CAST: variants seen among roughly 807,000 people sequenced by gnomAD.
CAST encodes calpastatin.
In CAST, 76 loss-of-function variants were observed where a neutral mutation model predicts 119.6. The ratio of observed to expected loss-of-function variants is 0.64; its 90% CI spans 0.53 to 0.77. The LOEUF (loss-of-function observed/expected upper bound fraction) is 0.77, where lower values mean the gene tolerates loss of function less well. CAST is among the 30% of genes least tolerant of loss of function. The pLI is 0.00. For synonymous variants in CAST, 319 were observed against 331.6 expected, an observed-to-expected ratio of 0.96 and a Z score of 0.41; for missense variants, 953 against 946.5, an observed-to-expected ratio of 1.01 and a Z score of -0.09.
At chr5:96,044,418 C>A in the CAST span, among the ~76,000 whole-genome samples, 2 of 152,314 alleles carry the variant, frequency 1.3e-5, no homozygotes, top group African/African-American at 2.4e-5. Flanking sequence ...AAAAAACAGT[C>A]CTTCATCAGA....
the CAST span, among the ~76,000 whole-genome samples, chr5:96,063,917 G>A: frequency 7.2e-5 from 11 of 152,262 alleles, no homozygotes; most frequent in African/African-American, 2.6e-4. Context: ...ACAAGAAGGT[G>A]TGTGTGTGCT....
the CAST span, among the ~76,000 whole-genome samples, chr5:96,407,172 C>G: frequency 7.6e-4 from 115 of 152,226 alleles, no homozygotes; most frequent in Middle Eastern, 3.4e-3. Context: ...AAGAAACAGA[C>G]TGACAAACAT....
chr5:96,132,690 A>G, the CAST span, among the ~76,000 whole-genome samples: 1 of 152,158 alleles, frequency 6.6e-6, no homozygotes. Flanking sequence ...AAGACTATGG[A>G]TATAGAAAGG....
At chr5:96,762,412 G>T (rs144506614) in intron 25 of CAST, 40 bp downstream of exon 25, 1 of 1,430,410 alleles carries the variant, frequency 7.0e-7, no homozygotes, top group Non-Finnish European at 9.5e-7. Context: ...ATGTTTTTGC[G>T]CAGCCACAAC....
chr5:96,061,669 G>A, the CAST span, among the ~76,000 whole-genome samples: 142 of 151,604 alleles, frequency 9.4e-4, no homozygotes, highest in African/African-American at 3.1e-3. Flanking sequence ...GTGTGTGTGC[G>A]TGTGTGTGTG....
At chr5:96,245,438 G>C in the CAST span, among the ~76,000 whole-genome samples, 2 of 152,138 alleles carry the variant, frequency 1.3e-5, no homozygotes, top group African/African-American at 4.8e-5. Context: ...TCATAGGAGT[G>C]TACAGAAAAC....
At chr5:95,966,011 C>T in the CAST span, among the ~76,000 whole-genome samples, 1 of 152,182 alleles carries the variant, frequency 6.6e-6, no homozygotes, top group South Asian at 2.1e-4. Context: ...ATTTACAAGT[C>T]ATACAAAGGC....
the CAST span, among the ~76,000 whole-genome samples, chr5:96,375,440 T>G: frequency 4.6e-5 from 7 of 151,138 alleles, no homozygotes; most frequent in African/African-American, 1.7e-4. Context: ...GTGTGTGTTT[T>G]TTTTACTATG....
At chr5:96,754,220 C>T in intron 21 of CAST, 59 bp downstream of exon 21, 1 of 1,010,708 alleles carries the variant, frequency 9.9e-7, no homozygotes, top group Non-Finnish European at 1.6e-6. Flanking sequence ...TCTCCCCCTG[C>T]AAATAAGTTA....
chr5:96,659,027 G>A (rs765528760), upstream of CAST, among the ~76,000 whole-genome samples: 9 of 152,060 alleles, frequency 5.9e-5, no homozygotes, highest in South Asian at 4.1e-4. Context: ...TATGCAAATC[G>A]ATTCCTAGGT....
At position 96,665,818 on chromosome 5, in the gene CAST, A is replaced by G. The variant is rs187084856; in HGVS notation, c.75+3321A>G. Reference sequence around the variant, plus strand: ...AATATACATATATGTGCATATTTATATATAATACACACATGCATGTATAAT... The same window carrying G: ...AATATACATATATGTGCATATTTATGTATAATACACACATGCATGTATAAT... On this transcript the variant is annotated intron_variant, in intron 1 of 31. Transcript: ENST00000675179. 3.8e-3 allele frequency among the ~76,000 whole-genome samples: 586 copies of G among 152,292 alleles called. 11 individuals are homozygous for G. Among genetic ancestry groups the G allele is most frequent in the South Asian group, 0.033 (159 of 4,832 alleles).
chr5:96,558,624 C>T (rs1014477503), intron 1 of CAST, among the ~76,000 whole-genome samples: 3 of 152,154 alleles, frequency 2.0e-5, no homozygotes, highest in Non-Finnish European at 4.4e-5. Flanking sequence ...TGGATAAATT[C>T]CTCGACACAT....
the CAST span, among the ~76,000 whole-genome samples, chr5:96,109,590 C>T: frequency 6.6e-6 from 1 of 152,140 alleles, no homozygotes; most frequent in East Asian, 1.9e-4. Flanking sequence ...TCTTCACTTG[C>T]TAATATTTCT....
the CAST span, among the ~76,000 whole-genome samples, chr5:96,132,548 C>T: frequency 3.9e-5 from 6 of 152,098 alleles, no homozygotes; most frequent in Non-Finnish European, 7.4e-5. Context: ...TAAACAACCT[C>T]TCTTCATTCT....
chr5:96,534,739 GAGAAAGAAAGAAAGAA>G lies in CAST; in HGVS notation c.60+4908_60+4923del, dbSNP rs1207971503. On this transcript the variant is annotated intron_variant, in intron 1 of 11. Transcript: ENST00000505143. ...GGAGAGAGAGAGAGAGAGAGAGAGA[GAGAAAGAAAGAAAGAA>G]AGAAAGAAAGAAAGAAAGAAAGAAA... Among the ~76,000 whole-genome samples, 172 of 22,686 alleles carry G rather than the reference GAGAAAGAAAGAAAGAA, an allele frequency of 7.6e-3. 8 individuals are homozygous for G. Among genetic ancestry groups the G allele is most frequent in the African/African-American group, 0.021 (149 of 7,208 alleles). The allele number at this position is 22,686 out of a possible 152,430, so 14.9% of individuals were successfully genotyped here.
chr5:96,278,062 T>A, the CAST span, among the ~76,000 whole-genome samples: 1 of 152,094 alleles, frequency 6.6e-6, no homozygotes, highest in Non-Finnish European at 1.5e-5. Flanking sequence ...TTTTGTTTTG[T>A]CTTAGATTGG....
the CAST span, among the ~76,000 whole-genome samples, chr5:96,364,044 G>A: frequency 6.6e-6 from 1 of 152,084 alleles, no homozygotes; most frequent in African/African-American, 2.4e-5. Context: ...TAGCATGAAG[G>A]GCTGTTGAAT....
At chr5:96,121,928 T>C in the CAST span, among the ~76,000 whole-genome samples, 1 of 148,024 alleles carries the variant, frequency 6.8e-6, no homozygotes, top group African/African-American at 2.5e-5. Context: ...ACAAATATAA[T>C]TTTAATCCAA....
At chr5:96,547,840 A>G (rs6870152) in intron 1 of CAST, among the ~76,000 whole-genome samples, 93,503 of 151,940 alleles carry the variant, frequency 0.62, 29,130 homozygotes, top group East Asian at 0.86. Context: ...ACTATTTGGG[A>G]GGTGGGGTAC....
Sources: allele counts gnomAD v4.1 joint callset (sites outside exome capture counted in the v4.1 genomes callset), GRCh38; gene constraint gnomAD v4.1.1; transcripts MANE v1.5; gene names NCBI Gene and HGNC (gene_info 2026-07-23, HGNC 2026-07-21).